The following NDE1 variants were observed in gnomAD, a reference collection of about 807,000 sequenced individuals.
NDE1 encodes the protein nudE neurodevelopment protein 1.
A neutral mutation model predicts 43.4 loss-of-function variants in NDE1; 28 were observed. That is an observed-to-expected ratio of 0.65 (90% CI 0.48 to 0.89). The LOEUF (loss-of-function observed/expected upper bound fraction) is 0.89, where lower values mean the gene tolerates loss of function less well. Among genes scored for constraint, NDE1 ranks in the 40% least tolerant of loss-of-function variants. NDE1 has a pLI of 0.00. For missense variants in NDE1, 441 were observed against 434.1 expected, an observed-to-expected ratio of 1.02 and a Z score of -0.14; for synonymous variants, 184 against 172.0, an observed-to-expected ratio of 1.07 and a Z score of -0.55.
intron 8 of NDE1, chr16:15,721,192 C>A (rs2040456818): frequency 9.8e-7 from 1 of 1,019,800 alleles, no homozygotes; most frequent in Non-Finnish European, 1.5e-6. Context: ...CTCAAGATGA[C>A]CCCTGAGAGT....
intron 6 of NDE1, among the ~76,000 whole-genome samples, chr16:15,692,148 C>T (rs1220467289): frequency 6.6e-6 from 1 of 152,164 alleles, no homozygotes; most frequent in African/African-American, 2.4e-5. Flanking sequence ...ATATTAATAA[C>T]AGACAGTTAA....
upstream of NDE1, chr16:15,650,197 C>G (rs1238993337): frequency 5.7e-6 from 1 of 175,222 alleles, no homozygotes; most frequent in African/African-American, 2.4e-5. Flanking sequence ...CGACCGCAGG[C>G]TCCGGGGCGG....
Position 15,714,551 on chromosome 16 carries a change from G to C in NDE1, c.948-9640G>C, listed in dbSNP as rs556672614. 6 of 406,656 alleles carry C rather than the reference G, an allele frequency of 1.5e-5. No individual in the cohort carries two copies. The East Asian group carries it at 2.0e-4, about 14-fold the overall frequency. The allele number at this position is 406,656 out of a possible 1,614,324, so 25.2% of individuals were successfully genotyped here. ...CATGTCAGGAAGGAGGTGAAGTGGC[G>C]GGGGGTGGTGTTGCAGCTTCAATGG... On this transcript the variant is annotated intron_variant, in intron 8 of 8. Transcript: ENST00000396354.
chr16:15,708,972 AG>A (rs746655252), intron 8 of NDE1: 1 of 985,142 alleles, frequency 1.0e-6, no homozygotes, highest in Non-Finnish European at 1.6e-6. Context: ...ATTTTGAGAT[AG>A]TCTCTGTCAC....
intron 8 of NDE1, chr16:15,697,163 C>G (rs563843576): frequency 4.0e-5 from 27 of 677,224 alleles, no homozygotes; most frequent in Non-Finnish European, 4.7e-5. Context: ...CCACCTCAGT[C>G]CCCCGAGTAG....
intron 1 of NDE1, among the ~76,000 whole-genome samples, 170 bp from the exon 2 acceptor site, chr16:15,664,566 A>G (rs1308848395): frequency 6.6e-6 from 1 of 151,816 alleles, no homozygotes; most frequent in Non-Finnish European, 1.5e-5. Context: ...CATGTTAGCT[A>G]GGGTGGTCTC....
At position 15,724,290 on chromosome 16, in the gene NDE1, C is replaced by T. The variant is rs771460474; in HGVS notation, c.*39C>T. On this transcript the variant is annotated 3_prime_UTR_variant, in exon 9 of 9. Transcript: ENST00000396354. ...TCTTTTCCAGTTTATCATAAGCGGC[C>T]GCCTTCTCCTCGTACTGCTGGGTGA... 2.0e-5 allele frequency: 32 copies of T among 1,614,156 alleles called. 1 individual carries two copies. Among genetic ancestry groups the T allele is most frequent in the South Asian group, 2.0e-4 (18 of 91,086 alleles).
chr16:15,644,998 C>T (rs2036295543), intron 1 of NDE1, among the ~76,000 whole-genome samples: 1 of 150,034 alleles, frequency 6.7e-6, no homozygotes, highest in African/African-American at 2.5e-5. Context: ...TGGCTCACTG[C>T]AGCCTCCACC....
At chr16:15,714,805 C>A (rs142289567) in intron 8 of NDE1, 8 of 1,380,726 alleles carry the variant, frequency 5.8e-6, no homozygotes, top group Non-Finnish European at 8.1e-6. Flanking sequence ...AAGGGAGTGG[C>A]GGCTGTGGGC....
At chr16:15,663,297 C>T (rs1374189720) in intron 1 of NDE1, among the ~76,000 whole-genome samples, 10 of 150,198 alleles carry the variant, frequency 6.7e-5, no homozygotes, top group Admixed American at 2.7e-4. Context: ...TGGAGTGCAG[C>T]GGCACGATCT....
intron 1 of NDE1, among the ~76,000 whole-genome samples, chr16:15,650,774 C>T (rs1314922172): frequency 6.6e-6 from 1 of 152,086 alleles, no homozygotes; most frequent in East Asian, 1.9e-4. Flanking sequence ...TTCCTCCATC[C>T]TGCCACCCGC....
At chr16:15,716,951 G>C (rs944177345) in intron 8 of NDE1, among the ~76,000 whole-genome samples, 1 of 152,214 alleles carries the variant, frequency 6.6e-6, no homozygotes, top group South Asian at 2.1e-4. Context: ...GCTTGCCCTA[G>C]GCCAGGAACC....
At chr16:15,719,337 TGCCAGGGAAAG>T (rs773422355) in intron 8 of NDE1, 5 of 1,605,634 alleles carry the variant, frequency 3.1e-6, no homozygotes, top group Non-Finnish European at 4.2e-6. Flanking sequence ...GGCTGTTGTC[TGCCAGGGAAAG>T]GCCAAGCCCC....
intron 4 of NDE1, chr16:15,686,366 T>G (rs1280437458): frequency 2.8e-5 from 28 of 984,852 alleles, no homozygotes; most frequent in Admixed American, 6.2e-5. Context: ...TTTCCCAGAA[T>G]TATAACAGAT....
At chr16:15,674,790 C>T (rs1221207574) in intron 3 of NDE1, among the ~76,000 whole-genome samples, 1 of 152,030 alleles carries the variant, frequency 6.6e-6, no homozygotes, top group Non-Finnish European at 1.5e-5. Flanking sequence ...CGGCTCACTG[C>T]AGCTTCAACC....
At chr16:15,690,353 CTTTT>C (rs869069843) in intron 5 of NDE1, among the ~76,000 whole-genome samples, 85 of 80,968 alleles carry the variant, frequency 1.0e-3, no homozygotes, top group African/African-American at 4.1e-3. Context: ...TTTTTTTTTT[CTTTT>C]TTTTTTTTTT....
At chr16:15,694,117 C>T (rs769248121) in intron 6 of NDE1, 48 bp from the exon 7 acceptor site, 6 of 1,605,100 alleles carry the variant, frequency 3.7e-6, no homozygotes, top group African/African-American at 2.7e-5. Context: ...AACGCACAGA[C>T]ATGACTATAG....
At chr16:15,649,419 C>T (rs11646913), upstream of NDE1, 108,506 of 151,926 alleles carry the variant, frequency 0.71, 39,300 homozygotes, top group African/African-American at 0.86. Context: ...CGCCACCTCC[C>T]GGTTTCCCGT....
chr16:15,674,490 C>G (rs2037764846), intron 3 of NDE1, among the ~76,000 whole-genome samples: 1 of 151,934 alleles, frequency 6.6e-6, no homozygotes, highest in South Asian at 2.1e-4. Context: ...CTCAGGTGAT[C>G]CACCTGCCTC....
Sources: allele counts gnomAD v4.1 joint callset (sites outside exome capture counted in the v4.1 genomes callset), GRCh38; gene constraint gnomAD v4.1.1; transcripts MANE v1.5; gene names NCBI Gene and HGNC (gene_info 2026-07-23, HGNC 2026-07-21).